The following SDK1 variants were observed in gnomAD, a reference collection of about 807,000 sequenced individuals.
SDK1 encodes protein sidekick-1.
In SDK1, 157 loss-of-function variants were observed where a neutral mutation model predicts 245.5. The observed-to-expected ratio is 0.64, with a 90% CI of 0.56 to 0.73. The LOEUF (loss-of-function observed/expected upper bound fraction) is 0.73, where lower values mean the gene tolerates loss of function less well. Among genes scored for constraint, SDK1 ranks in the 30% least tolerant of loss-of-function variants. The pLI, the probability that SDK1 is intolerant of heterozygous loss-of-function variation, is 0.00. For missense variants in SDK1, 3,583 were observed against 3,002.3 expected (o/e 1.19, Z -4.52); for synonymous variants, 1,647 against 1,278.5 (o/e 1.29, Z -6.15).
At chr7:3,821,229 C>T (rs71524018) in intron 4 of SDK1, among the ~76,000 whole-genome samples, 19,586 of 152,140 alleles carry the variant, frequency 0.13, 2,290 homozygotes, top group African/African-American at 0.31. Context: ...GTGGAGCACC[C>T]GGTAGGCTCA....
At chr7:4,182,846 G>A (rs532234211) in intron 35 of SDK1, among the ~76,000 whole-genome samples, 15 of 152,170 alleles carry the variant, frequency 9.9e-5, no homozygotes, top group Non-Finnish European at 1.3e-4. Flanking sequence ...GCCAGGAGCC[G>A]GGGTTCACAC....
At chr7:3,330,250 T>G (rs1192656763) in intron 1 of SDK1, among the ~76,000 whole-genome samples, 2 of 152,220 alleles carry the variant, frequency 1.3e-5, no homozygotes, top group African/African-American at 4.8e-5. Flanking sequence ...GTTTAAGCAT[T>G]TGATGAACTG....
At chr7:3,674,015 A>G (rs953958465) in intron 4 of SDK1, among the ~76,000 whole-genome samples, 3 of 152,186 alleles carry the variant, frequency 2.0e-5, no homozygotes, top group East Asian at 1.9e-4. Context: ...TTGTTTGATC[A>G]TGGAGTTTTT....
intron 29 of SDK1, among the ~76,000 whole-genome samples, chr7:4,148,025 G>A (rs1259131598): frequency 5.3e-5 from 8 of 149,820 alleles, no homozygotes; most frequent in African/African-American, 7.4e-5. Context: ...CAGAGATTTC[G>A]GAGATTTTCC....
chr7:3,710,208 T>C (rs997950081), intron 4 of SDK1, among the ~76,000 whole-genome samples: 1 of 152,228 alleles, frequency 6.6e-6, no homozygotes, highest in African/African-American at 2.4e-5. Context: ...CAGTTAATTA[T>C]GCTGCTGTCC....
In SDK1 at chr7:3,874,664, T is replaced by G. The variant is rs1214568708; in HGVS notation, c.847+53081T>G. ...CTGCCCTCATGCTACAGTTTTTGTT[T>G]TGTTTTTTGCTCTTTCTCCTGCATA... On this transcript the variant is annotated intron_variant, in intron 5 of 44. Coordinates refer to ENST00000404826, the MANE Select transcript of SDK1 (RefSeq NM_152744.4). 2.0e-5 allele frequency among the ~76,000 whole-genome samples: 3 copies of G among 152,030 alleles called. No individual in the cohort carries two copies. The South Asian group carries it at 6.2e-4, about 32-fold the overall frequency.
intron 4 of SDK1, among the ~76,000 whole-genome samples, chr7:3,817,333 C>G (rs1012585288): frequency 6.6e-6 from 1 of 152,142 alleles, no homozygotes; most frequent in East Asian, 1.9e-4. Flanking sequence ...TACACCCAAT[C>G]GAAGCTCTAT....
At chr7:3,538,012 A>G (rs532263909) in intron 1 of SDK1, among the ~76,000 whole-genome samples, 1 of 152,276 alleles carries the variant, frequency 6.6e-6, no homozygotes, top group Admixed American at 6.5e-5. Context: ...CCAGGCACTG[A>G]TGGTTTTTTT....
intron 35 of SDK1, among the ~76,000 whole-genome samples, chr7:4,198,089 TGA>T (rs10539096): frequency 0.17 from 25,514 of 152,204 alleles, 2,315 homozygotes; most frequent in African/African-American, 0.2. Flanking sequence ...ACGTGGTCAC[TGA>T]GGGCGTGAAG....
chr7:3,927,272 A>G (rs1043888719), intron 5 of SDK1, among the ~76,000 whole-genome samples: 5 of 152,222 alleles, frequency 3.3e-5, no homozygotes, highest in Admixed American at 1.3e-4. Context: ...CATATTGCTA[A>G]TTGAAATAGA....
At chr7:3,344,018 CAAAAAA>C (rs397939224) in intron 1 of SDK1, among the ~76,000 whole-genome samples, 1 of 122,544 alleles carries the variant, frequency 8.2e-6, no homozygotes, top group Non-Finnish European at 1.8e-5. Context: ...CACATACAAC[CAAAAAA>C]AAAAAAAAAA....
At chr7:3,967,899 C>T (rs1009426539) in intron 10 of SDK1, among the ~76,000 whole-genome samples, 1 of 152,210 alleles carries the variant, frequency 6.6e-6, no homozygotes, top group South Asian at 2.1e-4. Context: ...AGAATGCCTA[C>T]CAGGTGCAAG....
chr7:3,749,097 A>C (rs1019310391), intron 4 of SDK1, among the ~76,000 whole-genome samples: 9 of 152,214 alleles, frequency 5.9e-5, no homozygotes, highest in African/African-American at 1.9e-4. Context: ...CAGATGATAT[A>C]ATAGATAAGT....
intron 5 of SDK1, among the ~76,000 whole-genome samples, chr7:3,907,815 G>C (rs765271027): frequency 6.6e-6 from 1 of 152,190 alleles, no homozygotes; most frequent in African/African-American, 2.4e-5. Context: ...CTTAGTCCTA[G>C]AACTGCCCAG....
intron 40 of SDK1, among the ~76,000 whole-genome samples, chr7:4,230,697 G>T (rs993758293): frequency 2.0e-5 from 3 of 151,632 alleles, no homozygotes; most frequent in African/African-American, 4.9e-5. Flanking sequence ...TGGATGGATG[G>T]TTACATGGAT....
chr7:4,155,900 C>G (rs62438230), intron 30 of SDK1, among the ~76,000 whole-genome samples: 2 of 152,152 alleles, frequency 1.3e-5, no homozygotes, highest in Non-Finnish European at 2.9e-5. Flanking sequence ...TGTCACCCAT[C>G]ATGATGCAGA....
chr7:4,035,804 A>T (rs1788165599), intron 17 of SDK1, among the ~76,000 whole-genome samples: 1 of 152,188 alleles, frequency 6.6e-6, no homozygotes, highest in Non-Finnish European at 1.5e-5. Flanking sequence ...CAAAGACGGT[A>T]TGCTATCAAC....
At chr7:3,433,391 T>G (rs1583850293) in intron 1 of SDK1, among the ~76,000 whole-genome samples, 2 of 152,316 alleles carry the variant, frequency 1.3e-5, no homozygotes, top group Admixed American at 6.5e-5. Flanking sequence ...TAGTATTTTA[T>G]TTTATTTTAT....
intron 1 of SDK1, among the ~76,000 whole-genome samples, chr7:3,511,637 G>A (rs1299614818): frequency 2.6e-5 from 4 of 151,932 alleles, no homozygotes; most frequent in Admixed American, 1.3e-4. Context: ...GGGTGATTGT[G>A]TTAAGTGGTA....
Sources: gnomAD v4.1 joint callset for allele counts (sites outside exome capture counted in the v4.1 genomes callset) on GRCh38, gnomAD v4.1.1 for gene constraint, MANE v1.5 for transcripts, NCBI Gene and HGNC (gene_info 2026-07-23, HGNC 2026-07-21) for gene names.